The following UGT2A1 variants were observed in gnomAD, a reference collection of about 807,000 sequenced individuals.
UGT2A1 encodes UDP-glucuronosyltransferase 2A1.
In UGT2A1, 61 loss-of-function variants were observed where a neutral mutation model predicts 45.4. That is an observed-to-expected ratio of 1.34 (90% CI 1.09 to 1.66). The LOEUF (loss-of-function observed/expected upper bound fraction) is 1.66, where lower values mean the gene tolerates loss of function less well. UGT2A1 is among the 40% of genes most tolerant of loss of function. The pLI, the probability that UGT2A1 is intolerant of heterozygous loss-of-function variation, is 0.00. For synonymous variants in UGT2A1, 229 were observed against 196.2 expected (o/e 1.17, Z -1.40); for missense variants, 649 against 574.3 (o/e 1.13, Z -1.33).
At chr4:69,629,677 A>G (rs1368229621) in intron 3 of UGT2A1, among the ~76,000 whole-genome samples, 2 of 152,074 alleles carry the variant, frequency 1.3e-5, no homozygotes, top group Non-Finnish European at 2.9e-5. Context: ...TATTAAATAA[A>G]TCCTGTACAA....
rs1429421317 is a variant in UGT2A1, at chr4:69,605,500, C to T, written c.848-6106G>A. ...ATCTAAAATTGACACCCCAACATCA[C>T]AATTGAAAGAACTAGAGAAGCAAGA... On this transcript the variant is annotated intron_variant, in intron 3 of 6. Coordinates refer to ENST00000286604, the MANE Select transcript of UGT2A1 (RefSeq NM_001252275.3). 2.9e-5 allele frequency among the ~76,000 whole-genome samples: 4 copies of T among 136,254 alleles called. 1 individual carries two copies. Among genetic ancestry groups the T allele is most frequent in the African/African-American group, 1.2e-4 (4 of 33,516 alleles). 89.4% of individuals were successfully genotyped at this position (136,254 alleles called of 152,430 possible).
At chr4:69,617,733 C>T (rs4148290) in intron 3 of UGT2A1, among the ~76,000 whole-genome samples, 53,354 of 151,492 alleles carry the variant, frequency 0.35, 9,743 homozygotes, top group African/African-American at 0.43. Context: ...TGGGAGTTAA[C>T]ATTTCTAAAA....
intron 3 of UGT2A1, among the ~76,000 whole-genome samples, chr4:69,609,106 G>T (rs1719869185): frequency 6.6e-6 from 1 of 150,716 alleles, no homozygotes; most frequent in African/African-American, 2.4e-5. Flanking sequence ...ACTGTAGGAA[G>T]ATATCTGCAA....
intron 3 of UGT2A1, among the ~76,000 whole-genome samples, chr4:69,610,591 CT>C (rs1719977302): frequency 6.6e-6 from 1 of 152,082 alleles, no homozygotes; most frequent in African/African-American, 2.4e-5. Context: ...TATATGAAGC[CT>C]GACTGTATTT....
At chr4:69,640,557 T>C (rs2109971414) in intron 2 of UGT2A1, among the ~76,000 whole-genome samples, 1 of 151,990 alleles carries the variant, frequency 6.6e-6, no homozygotes, top group South Asian at 2.1e-4. Flanking sequence ...AACAATGCTG[T>C]TTTGAAATCA....
intron 1 of UGT2A1, among the ~76,000 whole-genome samples, chr4:69,649,023 C>T (rs1368024591): frequency 2.0e-5 from 3 of 151,970 alleles, no homozygotes; most frequent in Non-Finnish European, 4.4e-5. Flanking sequence ...TGGATAATAT[C>T]GGATCAAGTA....
intron 6 of UGT2A1, among the ~76,000 whole-genome samples, chr4:69,593,222 G>T (rs1001790306): frequency 6.6e-6 from 1 of 151,898 alleles, no homozygotes; most frequent in Non-Finnish European, 1.5e-5. Flanking sequence ...AATCAGTCAA[G>T]AAATAAATCC....
intron 2 of UGT2A1, among the ~76,000 whole-genome samples, chr4:69,638,578 G>T (rs184969033): frequency 6.6e-6 from 1 of 152,184 alleles, no homozygotes; most frequent in East Asian, 1.9e-4. Context: ...ATTTGCCAGG[G>T]TATTTTTCAG....
At chr4:69,620,038 G>T (rs980769372) in intron 3 of UGT2A1, among the ~76,000 whole-genome samples, 1 of 151,962 alleles carries the variant, frequency 6.6e-6, no homozygotes, top group Non-Finnish European at 1.5e-5. Flanking sequence ...ATACTGAATG[G>T]GGAAAAGCTG....
Position 69,589,556 on chromosome 4 carries a change from C to A in UGT2A1, c.1400G>T (p.Arg467Leu), listed in dbSNP as rs150861593. 6.2e-7 allele frequency: 1 copy of A among 1,614,010 alleles called. No individual in the cohort carries two copies. Among genetic ancestry groups the A allele is most frequent in the Non-Finnish European group, 8.5e-7 (1 of 1,179,968 alleles). Residue 467 changes from arginine to leucine, a missense_variant, in exon 7 of 7, where the codon CGC (arginine) becomes CTC (leucine). Transcript: ENST00000286604. ...CCGAAGGTGCTTGGCTCCTTTGTGG[C>A]GCATGACAAACTCGATCCAGAAGAC... ...RAVFWIEFVM[R>L]HKGAKHLRVA...
intron 3 of UGT2A1, among the ~76,000 whole-genome samples, chr4:69,605,036 T>C (rs1377920598): frequency 5.2e-5 from 7 of 135,706 alleles, no homozygotes; most frequent in Admixed American, 3.7e-4. Context: ...AACAAGTATA[T>C]CCAGGAATTG....
At chr4:69,607,152 T>A (rs1259129382) in intron 3 of UGT2A1, among the ~76,000 whole-genome samples, 1 of 148,064 alleles carries the variant, frequency 6.8e-6, no homozygotes, top group South Asian at 2.2e-4. Flanking sequence ...GGCATCACAC[T>A]ACCTGACTTC....
intron 3 of UGT2A1, among the ~76,000 whole-genome samples, chr4:69,609,339 T>G (rs1719889752): frequency 6.6e-6 from 1 of 151,880 alleles, no homozygotes; most frequent in African/African-American, 2.4e-5. Context: ...TCTTTTCTAC[T>G]ATTTTTTATT....
intron 3 of UGT2A1, among the ~76,000 whole-genome samples, chr4:69,625,379 C>T (rs2109944292): frequency 6.6e-6 from 1 of 150,946 alleles, no homozygotes; most frequent in African/African-American, 2.4e-5. Context: ...TTTTTTTCTG[C>T]TGATGCTCCT....
chr4:69,594,372 T>C, intron 6 of UGT2A1, 105 bp downstream of exon 6: 1 of 1,416,216 alleles, frequency 7.1e-7, no homozygotes, highest in Non-Finnish European at 9.5e-7. Context: ...CAGGTTATGG[T>C]TGTTATTGGA....
chr4:69,640,445 C>T (rs1276590155), intron 2 of UGT2A1, among the ~76,000 whole-genome samples: 2 of 151,842 alleles, frequency 1.3e-5, no homozygotes, highest in African/African-American at 4.8e-5. Flanking sequence ...AATCAGTAGG[C>T]CAGCTACAGA....
chr4:69,599,958 C>T (rs1397286382), intron 3 of UGT2A1, among the ~76,000 whole-genome samples: 7 of 152,138 alleles, frequency 4.6e-5, no homozygotes. Flanking sequence ...AGAGGCATTG[C>T]TAGCATGCCT....
chr4:69,605,953 T>C lies in UGT2A1; in HGVS notation c.848-6559A>G, dbSNP rs971407707. Among the ~76,000 whole-genome samples, 29 of 136,134 alleles carry C rather than the reference T, an allele frequency of 2.1e-4. 5 individuals are homozygous for C. The highest frequency in any genetic ancestry group is 3.7e-4 in the Non-Finnish European group (24 of 64,078). 89.3% of individuals were successfully genotyped at this position (136,134 alleles called of 152,430 possible). A position where few individuals can be genotyped will look rare whatever the true frequency, so the allele number is the denominator to read the frequency against. ...TTAATAGCTTAGCAACCAAAAAAAG[T>C]CCAGGACCAGATGGATTCACAGCTG... is the stretch of plus-strand genomic sequence containing the variant. On this transcript the variant is annotated intron_variant, in intron 3 of 6. Transcript: ENST00000286604.
At position 69,599,021 on chromosome 4, in the gene UGT2A1, G is replaced by C. The variant is rs1379791505; in HGVS notation, c.996+225C>G. On this transcript the variant is annotated intron_variant, in intron 4 of 6. Coordinates refer to ENST00000286604, the MANE Select transcript of UGT2A1 (RefSeq NM_001252275.3). ...TCAAGGTGTAGACACACTGATATTT[G>C]TAACACACAGCTTTAATCATTTTAT... Among the ~76,000 whole-genome samples the C allele has an allele frequency of 2.0e-5, 3 of 152,038 alleles. No individual in the cohort carries two copies. In the South Asian group the frequency reaches 6.2e-4, roughly 32 times the overall value.
Sources: gnomAD v4.1 joint callset for allele counts (sites outside exome capture counted in the v4.1 genomes callset) on GRCh38, gnomAD v4.1.1 for gene constraint, MANE v1.5 for transcripts, NCBI Gene and HGNC (gene_info 2026-07-23, HGNC 2026-07-21) for gene names.